The following EFHD2 variants were observed in gnomAD, a reference collection of about 807,000 sequenced individuals.
The protein encoded by EFHD2 is EF-hand domain family member D2.
A neutral mutation model predicts 20.3 loss-of-function variants in EFHD2; 12 were observed. The ratio of observed to expected loss-of-function variants is 0.59; its 90% CI spans 0.38 to 0.96. The LOEUF is 0.96. EFHD2 is among the 40% of genes least tolerant of loss of function. The pLI is 0.00. For synonymous variants in EFHD2, 131 were observed against 143.9 expected, an observed-to-expected ratio of 0.91 and a Z score of 0.64; for missense variants, 250 against 334.3, an observed-to-expected ratio of 0.75 and a Z score of 1.97.
intron 1 of EFHD2, among the ~76,000 whole-genome samples, chr1:15,417,516 G>A (rs1030558916): frequency 4.6e-5 from 7 of 152,102 alleles, no homozygotes; most frequent in African/African-American, 7.2e-5. Flanking sequence ...TTTATCCTCC[G>A]TGGGGGAGCC....
chr1:15,420,567 T>G (rs753125850), intron 1 of EFHD2, among the ~76,000 whole-genome samples: 1 of 152,228 alleles, frequency 6.6e-6, no homozygotes, highest in Non-Finnish European at 1.5e-5. Context: ...TCACCCAGGC[T>G]GGAGTGCAGT....
In EFHD2 at chr1:15,429,340, G is replaced by C. The variant is rs1479067432; in HGVS notation, c.*616G>C. 6.5e-6 allele frequency: 1 copy of C among 153,512 alleles called. No individual in the cohort carries two copies. The highest frequency in any genetic ancestry group is 6.5e-5 in the Admixed American group (1 of 15,372). The allele number at this position is 153,512 out of a possible 1,614,324, so 9.5% of individuals were successfully genotyped here. A position where few individuals can be genotyped will look rare whatever the true frequency, so the allele number is the denominator to read the frequency against. The stretch of plus-strand genomic sequence containing the variant: ...AGCTTCTGTTCTGGTGAAGGGACCC[G>C]GGCAGGCCCCCAGCACCCCATGCTG... On this transcript the variant is annotated 3_prime_UTR_variant, in exon 4 of 4. Coordinates refer to ENST00000375980, the MANE Select transcript of EFHD2 (RefSeq NM_024329.6).
chr1:15,427,340 T>A (rs1707889793), intron 3 of EFHD2, 56 bp downstream of exon 3: 1 of 1,560,348 alleles, frequency 6.4e-7, no homozygotes, highest in East Asian at 2.3e-5. Context: ...GACCCTGGGT[T>A]GGTGCGAAGT....
intron 1 of EFHD2, among the ~76,000 whole-genome samples, chr1:15,412,627 C>T (rs1489091572): frequency 6.6e-6 from 1 of 152,122 alleles, no homozygotes; most frequent in Non-Finnish European, 1.5e-5. Context: ...CCAGAGCCTG[C>T]CTTCTCCTGG....
intron 1 of EFHD2, among the ~76,000 whole-genome samples, chr1:15,419,415 A>G (rs1254563210): frequency 6.6e-6 from 1 of 152,236 alleles, no homozygotes; most frequent in Non-Finnish European, 1.5e-5. Context: ...TTCTGCCAGT[A>G]CTGCCGAATG....
chr1:15,421,495 G>A lies in EFHD2; in HGVS notation c.309-4376G>A, dbSNP rs556003016. Among the ~76,000 whole-genome samples, 50 of 152,310 alleles carry A rather than the reference G, an allele frequency of 3.3e-4. 1 individual carries two copies. Among genetic ancestry groups the A allele is most frequent in the African/African-American group, 1.2e-3 (48 of 41,572 alleles). On this transcript the variant is annotated intron_variant, in intron 1 of 3. Coordinates refer to ENST00000375980, the MANE Select transcript of EFHD2 (RefSeq NM_024329.6). ...CTGTATTGTCCCCCTGGGGGCCAGA[G>A]CCTGCCCTGGATGGAGCCCAGCCCC...
intron 1 of EFHD2, 121 bp from the exon 2 acceptor site, chr1:15,425,750 C>T: frequency 7.1e-7 from 1 of 1,403,036 alleles, no homozygotes. Context: ...TCCCTTCCAA[C>T]AGTGACGGGA....
intron 1 of EFHD2, among the ~76,000 whole-genome samples, chr1:15,425,637 A>C (rs1442902406): frequency 6.6e-6 from 1 of 152,016 alleles, no homozygotes; most frequent in Non-Finnish European, 1.5e-5. Context: ...AGTTAGCGCT[A>C]TTCGACATGC....
At chr1:15,422,632 C>T (rs1259478088) in intron 1 of EFHD2, among the ~76,000 whole-genome samples, 4 of 151,812 alleles carry the variant, frequency 2.6e-5, no homozygotes, top group Admixed American at 2.6e-4. Context: ...GAGGCCGAGG[C>T]GGACGGATCA....
At chr1:15,417,738 G>T (rs1377783424) in intron 1 of EFHD2, among the ~76,000 whole-genome samples, 1 of 152,196 alleles carries the variant, frequency 6.6e-6, no homozygotes, top group African/African-American at 2.4e-5. Flanking sequence ...AGCCAGGGGG[G>T]CCTGAGGGCT....
At chr1:15,425,744 T>C in intron 1 of EFHD2, 127 bp from the exon 2 acceptor site, 1 of 1,376,292 alleles carries the variant, frequency 7.3e-7, no homozygotes, top group Non-Finnish European at 9.8e-7. Flanking sequence ...CTGAGGTCCC[T>C]TCCAACAGTG....
chr1:15,417,704 G>T (rs1173155097), intron 1 of EFHD2, among the ~76,000 whole-genome samples: 1 of 152,240 alleles, frequency 6.6e-6, no homozygotes, highest in Non-Finnish European at 1.5e-5. Flanking sequence ...CAGTCTGGGG[G>T]TGGGGACATG....
intron 1 of EFHD2, among the ~76,000 whole-genome samples, chr1:15,410,717 A>C (rs1406855218): frequency 6.6e-6 from 1 of 150,606 alleles, no homozygotes; most frequent in African/African-American, 2.5e-5. Context: ...TCCTTCCCCG[A>C]TCCCAGCTAC....
rs1409875333 is a variant in EFHD2, at chr1:15,413,140, G to A, written c.308+2861G>A. On this transcript the variant is annotated intron_variant, in intron 1 of 3. Transcript: ENST00000375980. The surrounding 1 kb of genome is among the most constrained non-coding windows in gnomAD (Gnocchi z 4.4). ...TGTCCGAGTGGGGCTGCAGCCTCCT[G>A]GGTCCAAGCAGGGTCCTAGGATCAA... Among the ~76,000 whole-genome samples, 1 of 152,204 alleles carries A rather than the reference G, an allele frequency of 6.6e-6. No individual in the cohort carries two copies. Among genetic ancestry groups the A allele is most frequent in the Non-Finnish European group, 1.5e-5 (1 of 68,026 alleles).
chr1:15,414,684 C>T (rs1426051054), intron 1 of EFHD2, among the ~76,000 whole-genome samples: 1 of 152,242 alleles, frequency 6.6e-6, no homozygotes, highest in African/African-American at 2.4e-5. Flanking sequence ...TCCAGGTCTG[C>T]CAGGTTGTCG....
At chr1:15,425,483 C>T (rs1707858570) in intron 1 of EFHD2, among the ~76,000 whole-genome samples, 1 of 151,972 alleles carries the variant, frequency 6.6e-6, no homozygotes, top group Non-Finnish European at 1.5e-5. Flanking sequence ...CGAGATTGAG[C>T]CACTGCACTC....
intron 1 of EFHD2, among the ~76,000 whole-genome samples, chr1:15,420,831 T>A (rs1373777100): frequency 1.3e-5 from 2 of 152,110 alleles, no homozygotes; most frequent in Non-Finnish European, 2.9e-5. Context: ...TATTTTTTTA[T>A]AGAGATGTGG....
chr1:15,410,335 C>G, intron 1 of EFHD2, 56 bp downstream of exon 1: 1 of 1,495,280 alleles, frequency 6.7e-7, no homozygotes, highest in Non-Finnish European at 8.9e-7. Context: ...TCTCGGGCCC[C>G]GAACCCCCCG....
At chr1:15,427,057 G>T in intron 2 of EFHD2, 93 bp from the exon 3 acceptor site, 1 of 1,508,796 alleles carries the variant, frequency 6.6e-7, no homozygotes, top group Non-Finnish European at 8.9e-7. Context: ...CTCTGCAGGG[G>T]AGGCCTGAGG....
Sources: allele counts gnomAD v4.1 joint callset (sites outside exome capture counted in the v4.1 genomes callset), GRCh38; gene constraint gnomAD v4.1.1; non-coding constraint Gnocchi (gnomAD v3.1); transcripts MANE v1.5; gene names NCBI Gene and HGNC (gene_info 2026-07-23, HGNC 2026-07-21).